The following IL1RAPL2 variants were observed in gnomAD, a reference collection of about 807,000 sequenced individuals.
IL1RAPL2 encodes the protein X-linked interleukin-1 receptor accessory protein-like 2.
A neutral mutation model predicts 44.1 loss-of-function variants in IL1RAPL2; 3 were observed. That is an observed-to-expected ratio of 0.07 (90% CI 0.03 to 0.18). The LOEUF (loss-of-function observed/expected upper bound fraction) is 0.18. IL1RAPL2 is among the 10% of genes least tolerant of loss of function. IL1RAPL2 has a pLI of 1.00. For synonymous variants in IL1RAPL2, 181 were observed against 178.8 expected (o/e 1.01, Z -0.10); for missense variants, 391 against 496.4 (o/e 0.79, Z 2.02).
At chrX:104,676,166 C>T (rs970110698) in intron 2 of IL1RAPL2, among the ~76,000 whole-genome samples, 5 of 110,439 alleles carry the variant, frequency 4.5e-5, no homozygotes, top group Admixed American at 9.7e-5. Context: ...TTATTTTGCT[C>T]GTTAGTTGAT....
chrX:104,870,660 C>T (rs1179247014), intron 2 of IL1RAPL2, among the ~76,000 whole-genome samples: 2 of 111,639 alleles, frequency 1.8e-5, no homozygotes, highest in African/African-American at 6.5e-5. Context: ...TTCTTTGTAA[C>T]TTTCTCTTAC....
chrX:104,953,695 A>G (rs1925642677), intron 2 of IL1RAPL2, among the ~76,000 whole-genome samples: 1 of 111,494 alleles, frequency 9.0e-6, no homozygotes, highest in Admixed American at 9.6e-5. Context: ...CATTATTATG[A>G]GTATAAATAT....
rs775522948 is a variant in IL1RAPL2 at position 104,934,217 on chromosome X, C to T, written c.83-261258C>T. ...TATAAAACAAATTTGTAAATACACTCACAACTTTTTTTTTTTTTGCATTCC... is the reference window on the plus strand; with the variant it reads ...TATAAAACAAATTTGTAAATACACTTACAACTTTTTTTTTTTTTGCATTCC... On this transcript the variant is annotated intron_variant, in intron 2 of 10. Coordinates refer to ENST00000372582, the MANE Select transcript of IL1RAPL2 (RefSeq NM_017416.2). Among the ~76,000 whole-genome samples, 221 of 109,384 alleles carry T rather than the reference C, an allele frequency of 2.0e-3. 1 individual carries two copies. The highest frequency in any genetic ancestry group is 1.9e-3 in the Non-Finnish European group (99 of 52,487). 95.0% of individuals were successfully genotyped at this position (109,384 alleles called of 115,157 possible).
chrX:105,062,762 C>T (rs1286968969), intron 2 of IL1RAPL2, among the ~76,000 whole-genome samples: 2 of 111,575 alleles, frequency 1.8e-5, no homozygotes, highest in African/African-American at 6.5e-5. Context: ...ATGCCACTCT[C>T]GCCTAGCCTG....
intron 2 of IL1RAPL2, among the ~76,000 whole-genome samples, chrX:105,031,112 G>C (rs2031484736): frequency 9.1e-6 from 1 of 110,494 alleles, no homozygotes; most frequent in Non-Finnish European, 1.9e-5. Flanking sequence ...AGACTTTGCT[G>C]AATTTGCTTA....
intron 6 of IL1RAPL2, among the ~76,000 whole-genome samples, chrX:105,695,033 T>C (rs2038065762): frequency 1.8e-5 from 2 of 111,593 alleles, no homozygotes; most frequent in Admixed American, 1.9e-4. Flanking sequence ...GTTAGCTTCA[T>C]TTCTTAAGAG....
intron 2 of IL1RAPL2, among the ~76,000 whole-genome samples, chrX:104,770,321 G>T (rs1932621678): frequency 9.0e-6 from 1 of 111,398 alleles, no homozygotes; most frequent in Admixed American, 9.6e-5. Flanking sequence ...TTCAGTGAAT[G>T]ATAAGTGCTA....
rs762611868 is a variant in IL1RAPL2, at chrX:105,344,824, G to A, written c.697+77283G>A. 2.7e-5 allele frequency among the ~76,000 whole-genome samples: 3 copies of A among 111,822 alleles called. 1 individual carries two copies. Among genetic ancestry groups the A allele is most frequent in the Admixed American group, 1.9e-4 (2 of 10,470 alleles). ...CCATAAATAGCTCTGGTTTGAATGA[G>A]AGGGAAATACAAGGCAGACTTTTAA... On this transcript the variant is annotated intron_variant, in intron 5 of 10. Transcript: ENST00000372582.
At chrX:105,594,218 T>G (rs2037192527) in intron 6 of IL1RAPL2, among the ~76,000 whole-genome samples, 1 of 112,171 alleles carries the variant, frequency 8.9e-6, no homozygotes, top group African/African-American at 3.2e-5. Context: ...CTTTATCTTT[T>G]CTAGATTTCT....
At chrX:104,647,653 C>T (rs1185508525) in intron 1 of IL1RAPL2, 1 of 544,143 alleles carries the variant, frequency 1.8e-6, no homozygotes, top group African/African-American at 2.3e-5. Context: ...GCAGCACACG[C>T]TCATCATAGT....
chrX:105,330,420 A>G (rs746771509), intron 5 of IL1RAPL2, among the ~76,000 whole-genome samples: 1 of 111,085 alleles, frequency 9.0e-6, no homozygotes, highest in Admixed American at 9.6e-5. Flanking sequence ...TAGGCCAAAT[A>G]TGAAAGTTAC....
chrX:104,719,846 GC>G (rs1931642701), intron 2 of IL1RAPL2, among the ~76,000 whole-genome samples: 2 of 111,425 alleles, frequency 1.8e-5, no homozygotes, highest in Admixed American at 1.9e-4. Context: ...TTTGCTGAAA[GC>G]CATGTAGACA....
At chrX:105,390,461 G>A (rs1018893400) in intron 5 of IL1RAPL2, among the ~76,000 whole-genome samples, 2 of 111,613 alleles carry the variant, frequency 1.8e-5, no homozygotes, top group African/African-American at 6.5e-5. Flanking sequence ...GTTGAATAAA[G>A]GAATGAATGA....
chrX:105,569,534 T>G (rs2036999418), intron 6 of IL1RAPL2, among the ~76,000 whole-genome samples: 1 of 111,798 alleles, frequency 8.9e-6, no homozygotes, highest in South Asian at 3.7e-4. Flanking sequence ...TAATTGCCAG[T>G]GCTCAGCTCC....
intron 4 of IL1RAPL2, among the ~76,000 whole-genome samples, chrX:105,239,097 A>G (rs2034146918): frequency 9.0e-6 from 1 of 111,559 alleles, no homozygotes; most frequent in Non-Finnish European, 1.9e-5. Context: ...CACTTTAACT[A>G]AGCAGTCTCT....
At chrX:104,951,038 C>T (rs781692374) in intron 2 of IL1RAPL2, among the ~76,000 whole-genome samples, 6 of 111,873 alleles carry the variant, frequency 5.4e-5, no homozygotes, top group Non-Finnish European at 1.1e-4. Context: ...TGCTTCGGCT[C>T]GCTCAGGGTG....
chrX:104,943,541 C>T (rs1256249947), intron 2 of IL1RAPL2, among the ~76,000 whole-genome samples: 1 of 111,734 alleles, frequency 8.9e-6, no homozygotes, highest in Non-Finnish European at 1.9e-5. Flanking sequence ...ATATTTCAGG[C>T]ATGCTAACCC....
intron 6 of IL1RAPL2, among the ~76,000 whole-genome samples, chrX:105,521,395 T>G (rs978194893): frequency 1.8e-5 from 2 of 111,147 alleles, no homozygotes; most frequent in African/African-American, 6.5e-5. Flanking sequence ...ACAAATAGAT[T>G]GTGACTTTTA....
chrX:105,529,661 A>G (rs2036619197), intron 6 of IL1RAPL2, among the ~76,000 whole-genome samples: 1 of 111,917 alleles, frequency 8.9e-6, no homozygotes. Flanking sequence ...TTGTGCAACC[A>G]TCACTACCAT....
Sources: gnomAD v4.1 joint callset for allele counts (sites outside exome capture counted in the v4.1 genomes callset) on GRCh38, gnomAD v4.1.1 for gene constraint, MANE v1.5 for transcripts, NCBI Gene and HGNC (gene_info 2026-07-23, HGNC 2026-07-21) for gene names.